The following MDN1 variants were observed in gnomAD, a reference collection of about 807,000 sequenced individuals.
The protein encoded by MDN1 is midasin.
A neutral mutation model predicts 669.2 loss-of-function variants in MDN1; 266 were observed. The observed-to-expected ratio is 0.40, with a 90% CI of 0.36 to 0.44. MDN1 has a LOEUF of 0.44. Among genes scored for constraint, MDN1 ranks in the 20% least tolerant of loss-of-function variants. The pLI is 1.00. For missense variants in MDN1, 5,940 were observed against 6,754.0 expected (o/e 0.88, Z 4.22); for synonymous variants, 2,385 against 2,457.1 (o/e 0.97, Z 0.87).
chr6:89,761,725 C>T lies in MDN1; in HGVS notation c.2380G>A (p.Glu794Lys), dbSNP rs772122603. The change falls in exon 17 of 102, where the codon GAA becomes AAA. Residue 794 changes from glutamate (E) to lysine (K), a missense_variant. Physicochemically the swap from Glu to Lys is moderately conservative, Grantham distance 56 (BLOSUM62 1). Coordinates refer to ENST00000369393, the MANE Select transcript of MDN1 (RefSeq NM_014611.3). ...ETGLLIKEKWEAFGLRLNHAQ... is the reference protein window; with the variant it reads ...ETGLLIKEKWKAFGLRLNHAQ... Reference sequence around the variant, plus strand: ...TGGTTGAGTCTAAGACCAAATGCTTCCCATTTCTCTTTTATGAGTAACCCT... The same window carrying T: ...TGGTTGAGTCTAAGACCAAATGCTTTCCATTTCTCTTTTATGAGTAACCCT... 6.8e-6 allele frequency: 11 copies of T among 1,609,448 alleles called. No individual in the cohort carries two copies. The highest frequency in any genetic ancestry group is 2.5e-6 in the Non-Finnish European group (3 of 1,177,454).
At chr6:89,772,754 C>T (rs763929216) in intron 13 of MDN1, 33 bp from the exon 14 acceptor site, 15 of 1,605,662 alleles carry the variant, frequency 9.3e-6, no homozygotes, top group Admixed American at 8.5e-5. Flanking sequence ...TTAAAAACCA[C>T]GCTGCAAGCT....
intron 9 of MDN1, among the ~76,000 whole-genome samples, chr6:89,781,963 C>T (rs1408285214): frequency 3.3e-5 from 5 of 151,886 alleles, no homozygotes; most frequent in Admixed American, 3.3e-4. Flanking sequence ...AGAACAAGAC[C>T]CTGTCTCAAA....
At chr6:89,659,559 C>G (rs1809567157) in intron 88 of MDN1, among the ~76,000 whole-genome samples, 1 of 152,102 alleles carries the variant, frequency 6.6e-6, no homozygotes, top group African/African-American at 2.4e-5. Flanking sequence ...GTTTTCCCAC[C>G]CTTGTTTTAA....
Position 89,750,471 on chromosome 6 carries a change from G to A in MDN1, c.3289C>T (p.Leu1097=), listed in dbSNP as rs77470166. The A allele has an allele frequency of 2.6e-4, 420 of 1,614,018 alleles. 5 individuals carry two copies. In the East Asian group the frequency reaches 8.8e-3, roughly 34 times the overall value. Residue 1097 remains leucine (L), a synonymous_variant, in exon 24 of 102, where the codon CTG becomes TTG. Coordinates refer to ENST00000369393, the MANE Select transcript of MDN1 (RefSeq NM_014611.3). ...SVGKTSLIQW[L]AAATGNHCVR... ...CAGTGGTTGCCAGTAGCTGCAGCCA[G>A]CCACTGGATCAGGCTTGTTTTACCA...
At chr6:89,742,842 A>G (rs1396923849) in intron 31 of MDN1, among the ~76,000 whole-genome samples, 1 of 152,174 alleles carries the variant, frequency 6.6e-6, no homozygotes, top group African/African-American at 2.4e-5. Flanking sequence ...TGTTCTGATT[A>G]TTGATAGCAA....
rs1359997111 is a variant in MDN1 at position 89,772,591 on chromosome 6, A to C, written c.2065T>G (p.Tyr689Asp). The change falls in exon 14 of 102, where the codon TAC (tyrosine) becomes GAC (aspartate). Residue 689 changes from tyrosine to aspartate, a missense_variant. Transcript: ENST00000369393. ...GGATTACCTGTAATGTGAGCCAAGTATTGGATGGTAGAGGTTTTGCCAGTC... is the reference window on the plus strand; with the variant it reads ...GGATTACCTGTAATGTGAGCCAAGTCTTGGATGGTAGAGGTTTTGCCAGTC... ...TGTGKTSTIQ[Y>D]LAHITGHRLR... The C allele has an allele frequency of 6.2e-7, 1 of 1,614,012 alleles. No homozygotes were observed. The highest frequency in any genetic ancestry group is 8.5e-7 in the Non-Finnish European group (1 of 1,180,012).
intron 15 of MDN1, among the ~76,000 whole-genome samples, chr6:89,770,655 C>T (rs1818036685): frequency 6.6e-6 from 1 of 152,030 alleles, no homozygotes; most frequent in South Asian, 2.1e-4. Flanking sequence ...CAGCACACCA[C>T]CATGCCCAAC....
rs1813310642 is a variant in MDN1, at chr6:89,703,512, A to G, written c.8149-1451T>C. The stretch of plus-strand genomic sequence containing the variant: ...TCCAACATGGCTCTTTGAATAATGC[A>G]TTTTCACAGTAACATTGTTTCTAGA... On this transcript the variant is annotated intron_variant, in intron 53 of 101. Transcript: ENST00000369393. 1.3e-5 allele frequency among the ~76,000 whole-genome samples: 2 copies of G among 152,100 alleles called. 1 individual carries two copies. Among genetic ancestry groups the G allele is most frequent in the South Asian group, 4.1e-4 (2 of 4,832 alleles).
At chr6:89,656,180 A>G (rs1809277894) in intron 91 of MDN1, among the ~76,000 whole-genome samples, 1 of 152,210 alleles carries the variant, frequency 6.6e-6, no homozygotes, top group Non-Finnish European at 1.5e-5. Flanking sequence ...AATGAAGGCA[A>G]AGAAACACAC....
rs1231902609 is a variant in MDN1, at chr6:89,762,369, T to C, written c.2306A>G (p.Gln769Arg). The C allele has an allele frequency of 1.1e-5, 18 of 1,614,206 alleles. No individual in the cohort carries two copies. The highest frequency in any genetic ancestry group is 3.3e-5 in the Admixed American group (2 of 60,022). The stretch of plus-strand genomic sequence containing the variant: ...GTTAACAGCAGACTTGTGTACATGC[T>C]GCATTAGTCTCAGGAGATCATGCCA... ...KRWHDLLRLM[Q>R]HVHKSAVNKD... The change falls in exon 16 of 102, where the codon CAG becomes CGG. Residue 769 changes from glutamine (Q) to arginine (R), a missense_variant. Gln to Arg is a conservative substitution (Grantham distance 43). Transcript: ENST00000369393.
chr6:89,716,359 G>A (rs893025269), intron 44 of MDN1, among the ~76,000 whole-genome samples: 11 of 152,118 alleles, frequency 7.2e-5, no homozygotes, highest in African/African-American at 2.4e-4. Context: ...GAAGACTTCT[G>A]ATATTAAATT....
At chr6:89,788,383 T>G (rs909509163) in intron 7 of MDN1, among the ~76,000 whole-genome samples, 1 of 152,206 alleles carries the variant, frequency 6.6e-6, no homozygotes, top group African/African-American at 2.4e-5. Flanking sequence ...GGTAGTGACA[T>G]TTGCTAAACC....
At chr6:89,720,089 ATAC>A (rs966169725) in intron 40 of MDN1, among the ~76,000 whole-genome samples, 228 of 152,302 alleles carry the variant, frequency 1.5e-3, no homozygotes, top group African/African-American at 5.2e-3. Flanking sequence ...ACATAATTGA[ATAC>A]TACAATGAAG....
intron 21 of MDN1, 21 bp downstream of exon 21, chr6:89,754,058 CCAGT>C: frequency 6.2e-7 from 1 of 1,607,866 alleles, no homozygotes; most frequent in Non-Finnish European, 8.5e-7. Flanking sequence ...AAGCTCATAT[CCAGT>C]CAAAGAGACT....
intron 11 of MDN1, among the ~76,000 whole-genome samples, chr6:89,779,571 A>T (rs1818547769): frequency 6.6e-6 from 1 of 152,224 alleles, no homozygotes; most frequent in Non-Finnish European, 1.5e-5. Context: ...AAACAGACTA[A>T]GAAATTATAT....
Position 89,724,526 on chromosome 6 carries a change from A to G in MDN1, c.5670+673T>C, listed in dbSNP as rs912381565. On this transcript the variant is annotated intron_variant, in intron 38 of 101. Transcript: ENST00000369393. ...TCGAACTCCTGACCTCAGGTGATTCACCTGCCTTGGCCTCCCAAAGTGCTG... is the reference window on the plus strand; with the variant it reads ...TCGAACTCCTGACCTCAGGTGATTCGCCTGCCTTGGCCTCCCAAAGTGCTG... 5.9e-5 allele frequency among the ~76,000 whole-genome samples: 9 copies of G among 152,176 alleles called. 1 individual carries two copies. Among genetic ancestry groups the G allele is most frequent in the Admixed American group, 3.3e-4 (5 of 15,278 alleles).
intron 24 of MDN1, 114 bp downstream of exon 24, chr6:89,750,240 G>A: frequency 9.3e-7 from 1 of 1,069,552 alleles, no homozygotes; most frequent in South Asian, 1.7e-5. Context: ...AGAAAAGCCG[G>A]CTGTTACAGC....
chr6:89,738,703 T>C (rs1397170082), intron 32 of MDN1, among the ~76,000 whole-genome samples: 3 of 152,210 alleles, frequency 2.0e-5, no homozygotes, highest in Non-Finnish European at 4.4e-5. Context: ...GACTAAGTGG[T>C]GGAAGCAGGA....
chr6:89,804,612 A>T (rs1307443099), intron 1 of MDN1, among the ~76,000 whole-genome samples: 2 of 152,198 alleles, frequency 1.3e-5, no homozygotes, highest in African/African-American at 4.8e-5. Context: ...CAGAGGTAAA[A>T]AATTAATTCC....
Sources: allele counts gnomAD v4.1 joint callset (sites outside exome capture counted in the v4.1 genomes callset), GRCh38; gene constraint gnomAD v4.1.1; transcripts MANE v1.5; gene names NCBI Gene and HGNC (gene_info 2026-07-23, HGNC 2026-07-21).